UTS2B: variants seen among roughly 807,000 people sequenced by gnomAD.
UTS2B encodes the protein urotensin-2B.
UTS2B carries 21 observed loss-of-function variants against 19.2 expected under a neutral mutation model. That is an observed-to-expected ratio of 1.09 (90% CI 0.78 to 1.58). UTS2B has a LOEUF of 1.58. Among genes scored for constraint, UTS2B ranks in the 40% most tolerant of loss-of-function variants. The pLI is 0.00. For missense variants in UTS2B, 138 were observed against 130.3 expected, an observed-to-expected ratio of 1.06 and a Z score of -0.29; for synonymous variants, 57 against 50.2, an observed-to-expected ratio of 1.14 and a Z score of -0.58.
chr3:191,281,762 C>G (rs927315527), intron 5 of UTS2B, among the ~76,000 whole-genome samples: 4 of 151,548 alleles, frequency 2.6e-5, no homozygotes, highest in Admixed American at 2.6e-4. Context: ...GGATGCATTA[C>G]TATTTATACA....
intron 3 of UTS2B, among the ~76,000 whole-genome samples, chr3:191,309,450 G>A (rs1717230562): frequency 1.3e-5 from 2 of 152,172 alleles, no homozygotes; most frequent in African/African-American, 4.8e-5. Flanking sequence ...TGGGATTACA[G>A]GCGTGAGCCA....
chr3:191,334,193 C>T (rs1463259186), upstream of UTS2B, among the ~76,000 whole-genome samples: 2 of 151,986 alleles, frequency 1.3e-5, no homozygotes, highest in African/African-American at 2.4e-5. Context: ...AAAAATTTTC[C>T]ATGGTACATG....
intron 4 of UTS2B, among the ~76,000 whole-genome samples, chr3:191,299,988 C>T (rs1037868298): frequency 2.0e-5 from 3 of 152,192 alleles, no homozygotes; most frequent in Non-Finnish European, 4.4e-5. Flanking sequence ...GGCTTTCAGA[C>T]TTGCATGGTG....
chr3:191,318,758 G>A (rs554304995), intron 2 of UTS2B, among the ~76,000 whole-genome samples: 3 of 152,204 alleles, frequency 2.0e-5, no homozygotes, highest in Non-Finnish European at 2.9e-5. Flanking sequence ...GGTGTGAGCT[G>A]CTGTGCCTGG....
At chr3:191,336,775 TGGCC>T in the UTS2B span, among the ~76,000 whole-genome samples, 1 of 152,206 alleles carries the variant, frequency 6.6e-6, no homozygotes, top group African/African-American at 2.4e-5. Context: ...GAGTATACTG[TGGCC>T]ACCCCAATAC....
intron 4 of UTS2B, among the ~76,000 whole-genome samples, chr3:191,284,487 A>T (rs931581698): frequency 1.1e-4 from 17 of 149,138 alleles, no homozygotes; most frequent in Non-Finnish European, 7.5e-5. Flanking sequence ...ATGTCTGGCT[A>T]ATTTTTGTGT....
chr3:191,315,722 G>A (rs908732737), intron 3 of UTS2B, among the ~76,000 whole-genome samples: 8 of 152,082 alleles, frequency 5.3e-5, no homozygotes, highest in Admixed American at 1.3e-4. Flanking sequence ...TAGCTTTTTC[G>A]TCATTTTTGG....
intron 2 of UTS2B, among the ~76,000 whole-genome samples, chr3:191,317,221 C>CT (rs1717484360): frequency 1.3e-5 from 2 of 152,232 alleles, no homozygotes; most frequent in Admixed American, 6.5e-5. Flanking sequence ...CTGGTGCACT[C>CT]TCCTCAGCTG....
At position 191,282,056 on chromosome 3, in the gene UTS2B, C is replaced by T. The variant is rs1208014849; in HGVS notation, c.103+31G>A. ...TAGAAATAGAAGAATTACTTACCCA[C>T]CTGTAGGATTTTTAATTGATATGCA... On this transcript the variant is annotated intron_variant, in intron 5 of 8. Coordinates refer to ENST00000340524, the MANE Select transcript of UTS2B (RefSeq NM_198152.5). 2.8e-6 allele frequency: 4 copies of T among 1,450,602 alleles called. No homozygotes were observed. The South Asian group carries it at 4.7e-5, about 17-fold the overall frequency. 89.9% of individuals were successfully genotyped at this position (1,450,602 alleles called of 1,614,324 possible).
intron 2 of UTS2B, among the ~76,000 whole-genome samples, chr3:191,322,546 A>C (rs184229462): frequency 1.1e-3 from 161 of 152,340 alleles, no homozygotes; most frequent in African/African-American, 3.7e-3. Context: ...AGAATGAGAG[A>C]GTAGGAAGTA....
At chr3:191,315,497 T>C (rs1437334981) in intron 3 of UTS2B, among the ~76,000 whole-genome samples, 2 of 152,304 alleles carry the variant, frequency 1.3e-5, no homozygotes, top group South Asian at 2.1e-4. Context: ...AGTGTCGGAA[T>C]TGGATTGGAG....
chr3:191,270,196 C>T (rs1716049231), intron 8 of UTS2B, among the ~76,000 whole-genome samples: 1 of 152,182 alleles, frequency 6.6e-6, no homozygotes, highest in Admixed American at 6.5e-5. Context: ...GGCAACAGCA[C>T]TGCACTTCAT....
At chr3:191,276,407 C>A (rs973763712) in intron 7 of UTS2B, among the ~76,000 whole-genome samples, 1 of 152,148 alleles carries the variant, frequency 6.6e-6, no homozygotes. Context: ...TTACATGTTT[C>A]ATTTGCTGGG....
chr3:191,310,356 T>A (rs955505698), intron 3 of UTS2B, among the ~76,000 whole-genome samples: 6 of 152,132 alleles, frequency 3.9e-5, no homozygotes, highest in African/African-American at 1.4e-4. Context: ...TAGGTTTCTT[T>A]ACAGGCCAGA....
At chr3:191,273,862 G>C (rs1481339961) in intron 8 of UTS2B, among the ~76,000 whole-genome samples, 1 of 152,092 alleles carries the variant, frequency 6.6e-6, no homozygotes, top group Non-Finnish European at 1.5e-5. Flanking sequence ...TAATTCTCCA[G>C]CACATTTTGT....
intron 3 of UTS2B, among the ~76,000 whole-genome samples, chr3:191,313,037 C>T (rs141578654): frequency 3.2e-4 from 47 of 147,852 alleles, no homozygotes; most frequent in African/African-American, 1.1e-3. Flanking sequence ...TTTTTTGAGA[C>T]GGAGTCTCAC....
intron 8 of UTS2B, among the ~76,000 whole-genome samples, chr3:191,268,970 C>T (rs1002640450): frequency 1.3e-5 from 2 of 152,206 alleles, no homozygotes; most frequent in African/African-American, 4.8e-5. Context: ...TTTGTCATCA[C>T]ATTTAGTCCT....
the UTS2B span, among the ~76,000 whole-genome samples, chr3:191,336,586 C>A: frequency 3.9e-5 from 6 of 152,022 alleles, no homozygotes; most frequent in African/African-American, 1.4e-4. Context: ...ACACAGTTTG[C>A]CCATGTCCAT....
intron 4 of UTS2B, among the ~76,000 whole-genome samples, chr3:191,302,367 T>A (rs759888092): frequency 6.6e-6 from 1 of 152,230 alleles, no homozygotes; most frequent in Non-Finnish European, 1.5e-5. Context: ...TTGTTTAGCA[T>A]ATGATTAAGA....
Sources: gnomAD v4.1 joint callset for allele counts (sites outside exome capture counted in the v4.1 genomes callset) on GRCh38, gnomAD v4.1.1 for gene constraint, MANE v1.5 for transcripts, NCBI Gene and HGNC (gene_info 2026-07-23, HGNC 2026-07-21) for gene names.